AGBL4: variants seen among roughly 807,000 people sequenced by gnomAD.
AGBL4 encodes AGBL carboxypeptidase 4, also known as cytosolic carboxypeptidase 6.
In AGBL4, 58 loss-of-function variants were observed where a neutral mutation model predicts 66.4. That is an observed-to-expected ratio of 0.87 (90% CI 0.71 to 1.09). The LOEUF (loss-of-function observed/expected upper bound fraction) is 1.09, where lower values mean the gene tolerates loss of function less well. Among genes scored for constraint, AGBL4 ranks in the 50% least tolerant of loss-of-function variants. The pLI is 0.00. For missense variants in AGBL4, 579 were observed against 631.0 expected, an observed-to-expected ratio of 0.92 and a Z score of 0.88; for synonymous variants, 234 against 222.9, an observed-to-expected ratio of 1.05 and a Z score of -0.44.
chr1:48,597,462 A>AT (rs1645010080), intron 9 of AGBL4, among the ~76,000 whole-genome samples: 1 of 152,050 alleles, frequency 6.6e-6, no homozygotes, highest in South Asian at 2.1e-4. Context: ...AACACAGTGG[A>AT]TGGGGGGAAA....
At chr1:49,697,602 G>C (rs1647011858) in intron 2 of AGBL4, among the ~76,000 whole-genome samples, 165 bp from the exon 3 acceptor site, 2 of 152,156 alleles carry the variant, frequency 1.3e-5, no homozygotes, top group Admixed American at 1.3e-4. Context: ...ATGCAGCCCA[G>C]AGTAAGAAAA....
At chr1:49,565,746 T>A (rs766869075) in intron 3 of AGBL4, among the ~76,000 whole-genome samples, 2 of 152,146 alleles carry the variant, frequency 1.3e-5, no homozygotes, top group Non-Finnish European at 2.9e-5. Flanking sequence ...ATTTTTTCCA[T>A]TTCATCTTTG....
chr1:49,381,754 C>A (rs931387019), intron 3 of AGBL4, among the ~76,000 whole-genome samples: 5 of 149,674 alleles, frequency 3.3e-5, no homozygotes, highest in African/African-American at 1.2e-4. Flanking sequence ...GGACAAAAAA[C>A]CAAACACGGT....
chr1:49,923,148 C>A (rs1652432266), intron 1 of AGBL4, among the ~76,000 whole-genome samples: 1 of 151,970 alleles, frequency 6.6e-6, no homozygotes. Flanking sequence ...AAATAGAAAC[C>A]AAGAAATAAG....
intron 5 of AGBL4, among the ~76,000 whole-genome samples, chr1:49,032,888 C>A (rs534539000): frequency 6.6e-6 from 1 of 151,784 alleles, no homozygotes; most frequent in Admixed American, 6.6e-5. Context: ...GGAGTGATGG[C>A]GATGCATTCT....
chr1:49,513,306 G>A (rs1437141699), intron 3 of AGBL4, among the ~76,000 whole-genome samples: 5 of 151,926 alleles, frequency 3.3e-5, no homozygotes, highest in Non-Finnish European at 5.9e-5. Flanking sequence ...AGATACGGGG[G>A]TACATGTGCA....
intron 6 of AGBL4, among the ~76,000 whole-genome samples, chr1:48,779,704 C>CTTTTTTT (rs200375125): frequency 4.4e-5 from 6 of 137,194 alleles, no homozygotes; most frequent in African/African-American, 1.7e-4. Context: ...CTGTTCCTCT[C>CTTTTTTT]TTTTTTTTTT....
At chr1:49,141,634 G>T (rs1246568289) in intron 4 of AGBL4, among the ~76,000 whole-genome samples, 1 of 152,152 alleles carries the variant, frequency 6.6e-6, no homozygotes, top group Non-Finnish European at 1.5e-5. Flanking sequence ...AGTGTGGCTA[G>T]AGTTTATGAG....
intron 3 of AGBL4, among the ~76,000 whole-genome samples, chr1:49,392,219 T>C (rs987616877): frequency 6.6e-6 from 1 of 152,194 alleles, no homozygotes; most frequent in Non-Finnish European, 1.5e-5. Context: ...TATGGCTAAT[T>C]ATAGCCACAT....
intron 3 of AGBL4, among the ~76,000 whole-genome samples, chr1:49,372,659 CTTTCTTTCTT>C (rs1451170439): frequency 1.8e-4 from 21 of 116,502 alleles, no homozygotes; most frequent in East Asian, 4.8e-4. Flanking sequence ...TTCTTTCTTT[CTTTCTTTCTT>C]TCTTTCTTTC....
chr1:48,782,685 C>T (rs1645324531), intron 6 of AGBL4, among the ~76,000 whole-genome samples: 1 of 152,158 alleles, frequency 6.6e-6, no homozygotes, highest in African/African-American at 2.4e-5. Flanking sequence ...CCTCCTATCA[C>T]CCACACAGGT....
In AGBL4 at chr1:49,751,505, G is replaced by A. The variant is rs117916581; in HGVS notation, c.158-54068C>T. On this transcript the variant is annotated intron_variant, in intron 2 of 13. Coordinates refer to ENST00000371839, the MANE Select transcript of AGBL4 (RefSeq NM_032785.4). The stretch of plus-strand genomic sequence containing the variant: ...TGCCAGAATTTTATTGAGGATTTTC[G>A]CATAGAGATTCATCAGGAATATTGG... 3.7e-4 allele frequency among the ~76,000 whole-genome samples: 57 copies of A among 152,220 alleles called. No individual in the cohort carries two copies. In the East Asian group the frequency reaches 9.3e-3, roughly 25 times the overall value.
At chr1:49,057,449 T>G (rs1644327878) in intron 4 of AGBL4, among the ~76,000 whole-genome samples, 1 of 152,120 alleles carries the variant, frequency 6.6e-6, no homozygotes, top group Non-Finnish European at 1.5e-5. Context: ...AAAGCTTAAT[T>G]GGATCATGTC....
At chr1:49,817,714 A>G (rs1004384468) in intron 2 of AGBL4, among the ~76,000 whole-genome samples, 3 of 118,962 alleles carry the variant, frequency 2.5e-5, no homozygotes, top group African/African-American at 7.6e-5. Context: ...ATTGCTTTCC[A>G]TATTTTACCC....
intron 2 of AGBL4, among the ~76,000 whole-genome samples, chr1:49,724,647 C>T (rs546607152): frequency 6.6e-6 from 1 of 152,198 alleles, no homozygotes; most frequent in South Asian, 2.1e-4. Context: ...ACTCTAACCC[C>T]CAATTTGTCT....
At chr1:50,023,586 C>A (rs1479905071) in intron 1 of AGBL4, among the ~76,000 whole-genome samples, 177 bp downstream of exon 1, 4 of 152,228 alleles carry the variant, frequency 2.6e-5, no homozygotes, top group African/African-American at 7.2e-5. Context: ...GAGGTCCCTG[C>A]CCGCCATTCA....
intron 3 of AGBL4, among the ~76,000 whole-genome samples, chr1:49,288,286 G>C (rs961903606): frequency 4.0e-5 from 6 of 150,182 alleles, no homozygotes; most frequent in African/African-American, 1.5e-4. Context: ...AGTGGGTGCA[G>C]CACACCAGCA....
At chr1:49,676,238 A>C (rs1235985976) in intron 3 of AGBL4, among the ~76,000 whole-genome samples, 2 of 152,042 alleles carry the variant, frequency 1.3e-5, no homozygotes, top group African/African-American at 4.8e-5. Context: ...TCATCTGGAA[A>C]TCAATGTTTC....
chr1:48,709,676 A>T (rs1274049348), intron 6 of AGBL4, among the ~76,000 whole-genome samples: 1 of 151,356 alleles, frequency 6.6e-6, no homozygotes, highest in East Asian at 1.9e-4. Flanking sequence ...ATCTCAGCTC[A>T]CTGCAAGGTC....
Sources: gnomAD v4.1 joint callset for allele counts (sites outside exome capture counted in the v4.1 genomes callset) on GRCh38, gnomAD v4.1.1 for gene constraint, MANE v1.5 for transcripts, NCBI Gene and HGNC (gene_info 2026-07-23, HGNC 2026-07-21) for gene names.